The following WDR35 variants were observed in gnomAD, a reference collection of about 807,000 sequenced individuals.
WDR35 encodes the protein WD repeat domain 35.
A neutral mutation model predicts 158.3 loss-of-function variants in WDR35; 118 were observed. The observed-to-expected ratio is 0.75, with a 90% CI of 0.64 to 0.87. The LOEUF (loss-of-function observed/expected upper bound fraction) is 0.87, where lower values mean the gene tolerates loss of function less well. Ranked by LOEUF, WDR35 falls within the 40% of genes least tolerant of loss-of-function variation. The probability of loss-of-function intolerance (pLI) is 0.00; values close to 1 mark genes in which losing one functional copy is unlikely to be tolerated. For synonymous variants in WDR35, 448 were observed against 476.1 expected (o/e 0.94, Z 0.77); for missense variants, 1,263 against 1,405.8 (o/e 0.90, Z 1.62).
intron 19 of WDR35, among the ~76,000 whole-genome samples, chr2:19,936,942 T>C (rs1419311880): frequency 2.0e-5 from 3 of 152,254 alleles, no homozygotes; most frequent in Non-Finnish European, 4.4e-5. Context: ...TTTACTTTCC[T>C]GGACTTTCAA....
chr2:19,927,391 C>T (rs1226652818), intron 25 of WDR35, among the ~76,000 whole-genome samples: 1 of 152,166 alleles, frequency 6.6e-6, no homozygotes, highest in Non-Finnish European at 1.5e-5. Flanking sequence ...ACAATGATTC[C>T]TATGGAATCA....
At chr2:19,982,846 C>A (rs1672428373) in intron 2 of WDR35, among the ~76,000 whole-genome samples, 1 of 152,128 alleles carries the variant, frequency 6.6e-6, no homozygotes, top group Non-Finnish European at 1.5e-5. Context: ...ATTGAAAACT[C>A]TACAGCTTAC....
Position 19,973,725 on chromosome 2 carries a change from A to G in WDR35, c.737-17T>C. On this transcript the variant is annotated splice_polypyrimidine_tract_variant and intron_variant, in intron 7 of 26. Coordinates refer to ENST00000281405, the MANE Select transcript of WDR35 (RefSeq NM_020779.4). ...AAACGGGATCTAGTCAGAAAGAGAA[A>G]AATGAGGTCACTGTGGGAAAATACG... 3.7e-6 allele frequency: 6 copies of G among 1,608,104 alleles called. No individual in the cohort carries two copies. Among genetic ancestry groups the G allele is most frequent in the Non-Finnish European group, 5.1e-6 (6 of 1,176,628 alleles).
At chr2:19,939,998 A>AG (rs545179957) in intron 17 of WDR35, among the ~76,000 whole-genome samples, 3 of 151,712 alleles carry the variant, frequency 2.0e-5, no homozygotes, top group Non-Finnish European at 4.4e-5. Flanking sequence ...AAATAAAAAA[A>AG]AAAGAAATAA....
intron 25 of WDR35, among the ~76,000 whole-genome samples, chr2:19,923,422 T>C (rs1223978182): frequency 6.6e-6 from 1 of 152,150 alleles, no homozygotes; most frequent in Non-Finnish European, 1.5e-5. Flanking sequence ...GGGAAAAGTG[T>C]GGGCTGTGGT....
chr2:19,946,481 T>A lies in WDR35; in HGVS notation c.1614A>T (p.Leu538Phe). 2 of 1,613,558 alleles carry A rather than the reference T, an allele frequency of 1.2e-6. No homozygotes were observed. The highest frequency in any genetic ancestry group is 1.7e-6 in the Non-Finnish European group (2 of 1,179,638). Reference sequence around the variant, plus strand: ...CTTACCTAGAGTTGCAATTCAAGGATAACTGGTAGGCTCGACAATTAAGGG... The same window carrying A: ...CTTACCTAGAGTTGCAATTCAAGGAAAACTGGTAGGCTCGACAATTAAGGG... ...KYSLNCRAYQ[L>F]SLNCNSSRLA... The change falls in exon 15 of 27, where the codon TTA (leucine) becomes TTT (phenylalanine). Residue 538 changes from leucine (L) to phenylalanine (F), a missense_variant. Leu to Phe is a conservative substitution (Grantham distance 22). Coordinates refer to ENST00000281405, the MANE Select transcript of WDR35 (RefSeq NM_020779.4).
chr2:19,956,531 G>A (rs1396778961), intron 11 of WDR35, among the ~76,000 whole-genome samples: 3 of 151,478 alleles, frequency 2.0e-5, no homozygotes. Flanking sequence ...CTGTTTGAAA[G>A]TTTAAGAGAG....
intron 16 of WDR35, among the ~76,000 whole-genome samples, chr2:19,942,619 T>C (rs1203018056): frequency 6.7e-6 from 1 of 149,350 alleles, no homozygotes; most frequent in Non-Finnish European, 1.5e-5. Flanking sequence ...CAAAAGTTGA[T>C]CCATGAAAAA....
intron 12 of WDR35, among the ~76,000 whole-genome samples, chr2:19,953,239 A>G (rs925079385): frequency 3.3e-5 from 5 of 152,182 alleles, no homozygotes; most frequent in African/African-American, 1.2e-4. Flanking sequence ...TCACTTACAG[A>G]CTTACTGTGG....
At chr2:19,965,680 G>T (rs1244732783) in intron 10 of WDR35, among the ~76,000 whole-genome samples, 1 of 152,206 alleles carries the variant, frequency 6.6e-6, no homozygotes, top group Non-Finnish European at 1.5e-5. Flanking sequence ...TCAGCGCAGA[G>T]ACTCTTTGAT....
intron 2 of WDR35, among the ~76,000 whole-genome samples, chr2:19,988,389 G>A (rs527246505): frequency 6.6e-6 from 1 of 152,314 alleles, no homozygotes; most frequent in South Asian, 2.1e-4. Context: ...CGGGTCTATT[G>A]TGTGGGGGTA....
rs749013166 is a variant in WDR35, at chr2:19,975,648, C to G, written c.452G>C (p.Gly151Ala). ...TAGCTGTATACCCTTCAGGTCTTTTCCCCAAATACGATTGCCTAAAACAAA... is the reference window on the plus strand; with the variant it reads ...TAGCTGTATACCCTTCAGGTCTTTTGCCCAAATACGATTGCCTAAAACAAA... ...VGSVDGNRIW[G>A]KDLKGIQLSH... is the part of the protein sequence containing the mutation. The change falls in exon 6 of 27, where the codon GGA (glycine) becomes GCA (alanine). Residue 151 changes from glycine (G) to alanine (A), a missense_variant. Transcript: ENST00000281405. 20 of 1,613,896 alleles carry G rather than the reference C, an allele frequency of 1.2e-5. No individual in the cohort carries two copies. The highest frequency in any genetic ancestry group is 1.4e-5 in the Non-Finnish European group (17 of 1,179,954).
At chr2:19,988,113 C>T (rs955930641) in intron 2 of WDR35, among the ~76,000 whole-genome samples, 2 of 152,140 alleles carry the variant, frequency 1.3e-5, no homozygotes, top group Admixed American at 1.3e-4. Flanking sequence ...CTTAGTTTCA[C>T]ATCCTTGTTC....
intron 8 of WDR35, among the ~76,000 whole-genome samples, chr2:19,972,036 A>G (rs1209019709): frequency 6.6e-6 from 1 of 152,218 alleles, no homozygotes; most frequent in Admixed American, 6.5e-5. Context: ...TACAAACCCT[A>G]TGCTCTGTTA....
At chr2:19,938,495 G>T in intron 17 of WDR35, 94 bp from the exon 18 acceptor site, 286 of 1,385,494 alleles carry the variant, frequency 2.1e-4, no homozygotes, top group East Asian at 5.8e-4. Context: ...AACAAAACAA[G>T]AAAAAAAACG....
At chr2:19,955,743 C>A (rs900167701) in intron 11 of WDR35, among the ~76,000 whole-genome samples, 5 of 152,168 alleles carry the variant, frequency 3.3e-5, no homozygotes, top group African/African-American at 1.2e-4. Context: ...TTATAGAGTT[C>A]TTGCCAGAGT....
chr2:19,924,519 G>A (rs960508398), intron 25 of WDR35, among the ~76,000 whole-genome samples: 13 of 152,158 alleles, frequency 8.5e-5, no homozygotes, highest in Admixed American at 3.9e-4. Flanking sequence ...AGCCGAGATC[G>A]CGCCACTGCA....
chr2:19,930,960 G>A (rs923620013), intron 24 of WDR35, among the ~76,000 whole-genome samples: 5 of 152,046 alleles, frequency 3.3e-5, no homozygotes, highest in Non-Finnish European at 5.9e-5. Context: ...AATATATCTA[G>A]GAAAGTTTTA....
rs1669864774 is a variant in WDR35, at chr2:19,912,360, C to T, written c.*1198G>A. The T allele has an allele frequency of 6.6e-6, 1 of 152,148 alleles. No individual in the cohort carries two copies. Among genetic ancestry groups the T allele is most frequent in the Admixed American group, 6.5e-5 (1 of 15,280 alleles). 9.4% of individuals were successfully genotyped at this position (152,148 alleles called of 1,614,324 possible). A position where few individuals can be genotyped will look rare whatever the true frequency, so the allele number is the denominator to read the frequency against. ...GAGGCGCATGAATAGAGACAGAGAC[C>T]TCAAAGACTTCTGGTCTTCTCTTTT... On this transcript the variant is annotated 3_prime_UTR_variant, in exon 27 of 27. Transcript: ENST00000281405.
Sources: gnomAD v4.1 joint callset for allele counts (sites outside exome capture counted in the v4.1 genomes callset) on GRCh38, gnomAD v4.1.1 for gene constraint, MANE v1.5 for transcripts, NCBI Gene and HGNC (gene_info 2026-07-23, HGNC 2026-07-21) for gene names.